Variants in DVL3 observed in about 807,000 individuals in gnomAD.
DVL3 encodes the protein segment polarity protein dishevelled homolog DVL-3.
A neutral mutation model predicts 67.4 loss-of-function variants in DVL3; 27 were observed. The observed-to-expected ratio is 0.40, with a 90% CI of 0.30 to 0.55. The LOEUF is 0.55. Ranked by LOEUF, DVL3 falls within the 20% of genes least tolerant of loss-of-function variation. The pLI, the probability that DVL3 is intolerant of heterozygous loss-of-function variation, is 0.46. For synonymous variants in DVL3, 369 were observed against 396.8 expected (o/e 0.93, Z 0.83); for missense variants, 819 against 1,021.5 (o/e 0.80, Z 2.70).
rs572915467 is a variant in DVL3 at position 184,156,063 on chromosome 3, C to T, written c.161+267C>T. Among the ~76,000 whole-genome samples, 24 of 152,302 alleles carry T rather than the reference C, an allele frequency of 1.6e-4. 1 individual carries two copies. In the East Asian group the frequency reaches 4.5e-3, roughly 28 times the overall value. On this transcript the variant is annotated intron_variant, in intron 1 of 14. Transcript: ENST00000313143. ...AGTTCCTGCCGGTGCGGTCCCCTTACCTCTTCAGAGACCAGTGGCCCACAG... is the reference window on the plus strand; with the variant it reads ...AGTTCCTGCCGGTGCGGTCCCCTTATCTCTTCAGAGACCAGTGGCCCACAG...
rs1016090258 is a variant in DVL3 at position 184,171,493 on chromosome 3, C to T, written c.*738C>T. 38 of 985,882 alleles carry T rather than the reference C, an allele frequency of 3.9e-5. No individual in the cohort carries two copies. Among genetic ancestry groups the T allele is most frequent in the Non-Finnish European group, 4.5e-5 (37 of 830,036 alleles). The allele number at this position is 985,882 out of a possible 1,614,324, so 61.1% of individuals were successfully genotyped here. A position where few individuals can be genotyped will look rare whatever the true frequency, so the allele number is the denominator to read the frequency against. ...CCCTAACCCTACTAACCAGCAGGCT[C>T]ATCTCACCTCCAGGCCTGAAACATT... is the stretch of plus-strand genomic sequence containing the variant. On this transcript the variant is annotated 3_prime_UTR_variant, in exon 15 of 15. Coordinates refer to ENST00000313143, the MANE Select transcript of DVL3 (RefSeq NM_004423.4).
In DVL3 at chr3:184,169,869, G is replaced by T. The variant is rs182069173; in HGVS notation, c.1499-137G>T. ...TGGTGGCAAAGGGGGTCTGCAGAAG[G>T]GGGGAGCTCTCTGGGCTGTGCCTCC... On this transcript the variant is annotated intron_variant, in intron 13 of 14. Coordinates refer to ENST00000313143, the MANE Select transcript of DVL3 (RefSeq NM_004423.4). 3.3e-4 allele frequency: 250 copies of T among 761,512 alleles called. 3 individuals carry two copies. In the South Asian group the frequency reaches 3.3e-3, roughly 10 times the overall value. 47.2% of individuals were successfully genotyped at this position (761,512 alleles called of 1,614,324 possible).
Position 184,166,291 on chromosome 3 carries a change from G to A in DVL3, c.903+26G>A. The A allele has an allele frequency of 6.2e-7, 1 of 1,610,118 alleles. No homozygotes were observed. The highest frequency in any genetic ancestry group is 1.7e-4 in the Middle Eastern group (1 of 6,028). ...GTATCAGTGCCCATCCTAGGCGGTGGTGTGGATAGAGGGCAGGGAGGTGTC... is the reference window on the plus strand; with the variant it reads ...GTATCAGTGCCCATCCTAGGCGGTGATGTGGATAGAGGGCAGGGAGGTGTC... On this transcript the variant is annotated intron_variant, in intron 8 of 14. Coordinates refer to ENST00000313143, the MANE Select transcript of DVL3 (RefSeq NM_004423.4). This position sits in a 1 kb window ranked among gnomAD's most constrained non-coding sequence, Gnocchi z 6.7.
At position 184,166,482 on chromosome 3, in the gene DVL3, G is replaced by T. The variant is rs565307746; in HGVS notation, c.940G>T (p.Asp314Tyr). The part of the protein sequence containing the change: ...EINFENMSND[D>Y]AVRVLREIVH... ...CAACTTTGAGAACATGAGTAATGAC[G>T]ATGCAGTCCGGGTACTGCGGGAGAT... Residue 314 changes from aspartate (D) to tyrosine (Y), a missense_variant, in exon 9 of 15, where the codon GAT (aspartate) becomes TAT (tyrosine). Around this residue, in one of 3 missense-constraint regions of DVL3, gnomAD observed 385 missense variants for 486.8 expected, o/e 0.79. Coordinates refer to ENST00000313143, the MANE Select transcript of DVL3 (RefSeq NM_004423.4). The surrounding 1 kb of genome is among the most constrained non-coding windows in gnomAD (Gnocchi z 6.7). The T allele has an allele frequency of 6.2e-7, 1 of 1,614,126 alleles. No individual in the cohort carries two copies. Among genetic ancestry groups the T allele is most frequent in the South Asian group, 1.1e-5 (1 of 91,082 alleles).
Position 184,170,227 on chromosome 3 carries a change from G to A in DVL3, c.1714+6G>A, listed in dbSNP as rs147393618. 37,073 of 1,611,858 alleles carry A rather than the reference G, an allele frequency of 0.023. 500 individuals are homozygous for A. The highest frequency in any genetic ancestry group is 0.027 in the Non-Finnish European group (31,387 of 1,179,510). Reference sequence around the variant, plus strand: ...CAGCAGTCAGCACAGCGAAGGTAAGGTAGAGGGGCCGTGGAGGAAGGCTAT... The same window carrying A: ...CAGCAGTCAGCACAGCGAAGGTAAGATAGAGGGGCCGTGGAGGAAGGCTAT... On this transcript the variant is annotated splice_donor_region_variant and intron_variant, in intron 14 of 14. Transcript: ENST00000313143. The surrounding 1 kb of genome is among the most constrained non-coding windows in gnomAD (Gnocchi z 6.5).
chr3:184,167,102 C>A lies in DVL3; in HGVS notation c.1198+127C>A. ...GGAGATGGGGCTCGGCTCATTCCAG[C>A]AACCCCACACTGCAACTCCCCCACA... On this transcript the variant is annotated intron_variant, in intron 11 of 14. Coordinates refer to ENST00000313143, the MANE Select transcript of DVL3 (RefSeq NM_004423.4). The surrounding 1 kb of genome is among the most constrained non-coding windows in gnomAD (Gnocchi z 4.6). 2 of 1,190,236 alleles carry A rather than the reference C, an allele frequency of 1.7e-6. No individual in the cohort carries two copies. Among genetic ancestry groups the A allele is most frequent in the South Asian group, 1.4e-5 (1 of 69,458 alleles). The allele number at this position is 1,190,236 out of a possible 1,614,324, so 73.7% of individuals were successfully genotyped here. A position where few individuals can be genotyped will look rare whatever the true frequency, so the allele number is the denominator to read the frequency against.
Position 184,165,579 on chromosome 3 carries a change from C to T in DVL3, c.763+88C>T. The T allele has an allele frequency of 8.3e-7, 1 of 1,204,714 alleles. No homozygotes were observed. Among genetic ancestry groups the T allele is most frequent in the East Asian group, 2.4e-5 (1 of 42,092 alleles). The allele number at this position is 1,204,714 out of a possible 1,614,324, so 74.6% of individuals were successfully genotyped here. A position where few individuals can be genotyped will look rare whatever the true frequency, so the allele number is the denominator to read the frequency against. ...GTTCAGAGAGCGTAGAATATGTTCC[C>T]TGCCCTCAAGGAGCTCTCTTTCGTA... On this transcript the variant is annotated intron_variant, in intron 7 of 14. Coordinates refer to ENST00000313143, the MANE Select transcript of DVL3 (RefSeq NM_004423.4). This position sits in a 1 kb window ranked among gnomAD's most constrained non-coding sequence, Gnocchi z 4.1.
At chr3:184,162,478 A>C (rs1714414348) in intron 1 of DVL3, among the ~76,000 whole-genome samples, 1 of 152,070 alleles carries the variant, frequency 6.6e-6, no homozygotes, top group African/African-American at 2.4e-5. Context: ...GAGAAAGAGC[A>C]ATTATTACTG....
In DVL3 at chr3:184,165,789, C is replaced by T. The variant is rs1714562847; in HGVS notation, c.763+298C>T. On this transcript the variant is annotated intron_variant, in intron 7 of 14. Transcript: ENST00000313143. This position sits in a 1 kb window ranked among gnomAD's most constrained non-coding sequence, Gnocchi z 4.1. ...GCATCCTTGCTCTCCGATTTCTGCC[C>T]TAGGTACTCTCTTTATGAGACAGCT... 6.6e-6 allele frequency among the ~76,000 whole-genome samples: 1 copy of T among 152,192 alleles called. No homozygotes were observed. Among genetic ancestry groups the T allele is most frequent in the African/African-American group, 2.4e-5 (1 of 41,458 alleles).
intron 13 of DVL3, among the ~76,000 whole-genome samples, chr3:184,168,774 A>G (rs1577051531): frequency 1.3e-5 from 2 of 152,316 alleles, no homozygotes; most frequent in Middle Eastern, 6.8e-3. Flanking sequence ...ATAGTGTGTG[A>G]GCAGAGGGTG....
intron 1 of DVL3, among the ~76,000 whole-genome samples, chr3:184,157,481 T>G (rs1274884304): frequency 3.9e-5 from 6 of 152,122 alleles, no homozygotes; most frequent in Non-Finnish European, 8.8e-5. Context: ...TCTGGGCTGC[T>G]CTCCCAATCC....
Position 184,155,520 on chromosome 3 carries a change from C to A in DVL3, c.-116C>A. Reference sequence around the variant, plus strand: ...AGAACAAGGGAGCTGGCGCCGCCAGCAGCCGCCGAGCTGGGTTGAGCCGCT... The same window carrying A: ...AGAACAAGGGAGCTGGCGCCGCCAGAAGCCGCCGAGCTGGGTTGAGCCGCT... On this transcript the variant is annotated 5_prime_UTR_variant, in exon 1 of 15. Transcript: ENST00000313143. This position sits in a 1 kb window ranked among gnomAD's most constrained non-coding sequence, Gnocchi z 5.4. 1 of 610,780 alleles carries A rather than the reference C, an allele frequency of 1.6e-6. No homozygotes were observed. Among genetic ancestry groups the A allele is most frequent in the Non-Finnish European group, 2.0e-6 (1 of 487,818 alleles). The allele number at this position is 610,780 out of a possible 1,614,324, so 37.8% of individuals were successfully genotyped here. A position where few individuals can be genotyped will look rare whatever the true frequency, so the allele number is the denominator to read the frequency against.
chr3:184,170,492 A>G lies in DVL3; in HGVS notation c.1888A>G (p.Ser630Gly). 3 of 1,597,842 alleles carry G rather than the reference A, an allele frequency of 1.9e-6. No homozygotes were observed. The highest frequency in any genetic ancestry group is 2.6e-6 in the Non-Finnish European group (3 of 1,172,334). ...CAGCGAGCGCTCAGGGCCGGCGGCC[A>G]GCGAGCACAGCCACCGCAGCCACCA... ...APSERSGPAA[S>G]EHSHRSHHSL... is the part of the protein sequence containing the mutation. The change falls in exon 15 of 15, where the codon AGC becomes GGC. Residue 630 changes from serine (S) to glycine (G), a missense_variant. Physicochemically the swap from Ser to Gly is moderately conservative, Grantham distance 56. Around this residue, in one of 3 missense-constraint regions of DVL3, gnomAD observed 324 missense variants for 331.3 expected, o/e 0.98. Transcript: ENST00000313143. The surrounding 1 kb of genome is among the most constrained non-coding windows in gnomAD (Gnocchi z 6.5).
Position 184,166,626 on chromosome 3 carries a change from C to G in DVL3, c.1001C>G (p.Ala334Gly). The G allele has an allele frequency of 1.2e-6, 2 of 1,614,150 alleles. No individual in the cohort carries two copies. The highest frequency in any genetic ancestry group is 8.5e-7 in the Non-Finnish European group (1 of 1,180,024). Reference sequence around the variant, plus strand: ...TTCAGGCCCATCACCCTGACTGTAGCCAAGTGCTGGGACCCAAGTCCACGT... The same window carrying G: ...TTCAGGCCCATCACCCTGACTGTAGGCAAGTGCTGGGACCCAAGTCCACGT... Reference protein sequence around the residue: ...HKPGPITLTVAKCWDPSPRGC... With the variant: ...HKPGPITLTVGKCWDPSPRGC... Residue 334 changes from alanine to glycine, a missense_variant, in exon 10 of 15, where the codon GCC becomes GGC. Transcript: ENST00000313143. The surrounding 1 kb of genome is among the most constrained non-coding windows in gnomAD (Gnocchi z 6.7).
intron 1 of DVL3, among the ~76,000 whole-genome samples, chr3:184,161,358 C>T (rs753131340): frequency 3.2e-4 from 49 of 152,080 alleles, no homozygotes; most frequent in Admixed American, 8.5e-4. Context: ...ACCCGGGAGG[C>T]GCAGGTTGCA....
intron 1 of DVL3, among the ~76,000 whole-genome samples, chr3:184,158,848 T>C (rs1220567207): frequency 6.7e-6 from 1 of 150,304 alleles, no homozygotes; most frequent in East Asian, 2.0e-4. Context: ...CAATCTCGGC[T>C]CACTGCAACC....
Position 184,163,715 on chromosome 3 carries a change from G to T in DVL3, c.220G>T (p.Val74Leu). Residue 74 changes from valine (V) to leucine (L), a missense_variant, in exon 2 of 15, where the codon GTG (valine) becomes TTG (leucine). Val to Leu is a conservative substitution (Grantham distance 32). Coordinates refer to ENST00000313143, the MANE Select transcript of DVL3 (RefSeq NM_004423.4). The surrounding 1 kb of genome is among the most constrained non-coding windows in gnomAD (Gnocchi z 4.5). Reference sequence around the variant, plus strand: ...CAAGCTACCATGCTTCAATGGCCGGGTGGTGTCCTGGGTAAGGAGCCCTCA... The same window carrying T: ...CAAGCTACCATGCTTCAATGGCCGGTTGGTGTCCTGGGTAAGGAGCCCTCA... ...NAKLPCFNGR[V>L]VSWLVSAEGS... is the part of the protein sequence containing the mutation. 3 of 1,614,038 alleles carry T rather than the reference G, an allele frequency of 1.9e-6. No homozygotes were observed. Among genetic ancestry groups the T allele is most frequent in the Non-Finnish European group, 2.5e-6 (3 of 1,180,012 alleles).
At position 184,170,288 on chromosome 3, in the gene DVL3, G is replaced by A. The variant is rs528763237; in HGVS notation, c.1715-31G>A. On this transcript the variant is annotated intron_variant, in intron 14 of 14. Coordinates refer to ENST00000313143, the MANE Select transcript of DVL3 (RefSeq NM_004423.4). This position sits in a 1 kb window ranked among gnomAD's most constrained non-coding sequence, Gnocchi z 6.5. Reference sequence around the variant, plus strand: ...CAGGCTTCCCCCGCCCGCTCAGCCTGCCCCACCCCGGCCCTGTTTGCCTCC... The same window carrying A: ...CAGGCTTCCCCCGCCCGCTCAGCCTACCCCACCCCGGCCCTGTTTGCCTCC... 1.3e-6 allele frequency: 2 copies of A among 1,591,778 alleles called. No individual in the cohort carries two copies. Among genetic ancestry groups the A allele is most frequent in the Admixed American group, 1.8e-5 (1 of 56,944 alleles).
rs1445429055 is a variant in DVL3 at position 184,164,357 on chromosome 3, G to A, written c.322G>A (p.Gly108Ser). Residue 108 changes from glycine (G) to serine (S), a missense_variant, in exon 3 of 15, where the codon GGC (glycine) becomes AGC (serine). By Grantham distance (56) the Gly-to-Ser change is moderately conservative (BLOSUM62 0). Around this residue, in one of 3 missense-constraint regions of DVL3, gnomAD observed 385 missense variants for 486.8 expected, o/e 0.79. Transcript: ENST00000313143. This position sits in a 1 kb window ranked among gnomAD's most constrained non-coding sequence, Gnocchi z 5.3. Reference protein sequence around the residue: ...ELPPPMERTGGIGDSRPPSFH... With the variant: ...ELPPPMERTGSIGDSRPPSFH... ...GCCACCACCTATGGAGCGCACGGGA[G>A]GCATCGGGGACTCCCGACCCCCATC... 7 of 1,614,106 alleles carry A rather than the reference G, an allele frequency of 4.3e-6. No individual in the cohort carries two copies. The South Asian group carries it at 6.6e-5, about 15-fold the overall frequency.
Sources: allele counts gnomAD v4.1 joint callset (sites outside exome capture counted in the v4.1 genomes callset), GRCh38; gene constraint gnomAD v4.1.1; regional missense constraint gnomAD v4.1.1; non-coding constraint Gnocchi (gnomAD v3.1); transcripts MANE v1.5; gene names NCBI Gene and HGNC (gene_info 2026-07-23, HGNC 2026-07-21).